Variants in CSF3R observed in about 807,000 individuals in gnomAD.
The protein encoded by CSF3R is granulocyte colony-stimulating factor receptor.
A neutral mutation model predicts 84.4 loss-of-function variants in CSF3R; 52 were observed. The observed-to-expected ratio is 0.62, with a 90% CI of 0.49 to 0.78. The LOEUF is 0.78. Among genes scored for constraint, CSF3R ranks in the 30% least tolerant of loss-of-function variants. The pLI is 0.00. For synonymous variants in CSF3R, 384 were observed against 429.1 expected, an observed-to-expected ratio of 0.89 and a Z score of 1.30; for missense variants, 890 against 1,055.7, an observed-to-expected ratio of 0.84 and a Z score of 2.17.
At chr1:36,468,418 C>A (rs1391418626) in intron 12 of CSF3R, 197 bp from the exon 13 acceptor site, 1 of 534,450 alleles carries the variant, frequency 1.9e-6, no homozygotes. Flanking sequence ...AGGATTTGAA[C>A]CTGGCTCTGC....
intron 12 of CSF3R, chr1:36,468,732 A>G (rs3917992): frequency 1.7e-4 from 39 of 224,832 alleles, no homozygotes; most frequent in South Asian, 2.3e-4. Flanking sequence ...TTGTTTATTT[A>G]TTTATTTATT....
intron 2 of CSF3R, chr1:36,479,898 G>A (rs1361876923): frequency 2.9e-6 from 1 of 344,048 alleles, no homozygotes. Context: ...TTTATTTTGA[G>A]AAGATCCTAG....
rs980640920 is a variant in CSF3R at position 36,472,720 on chromosome 1, A to G, written c.674-34T>C. 6.5e-6 allele frequency: 10 copies of G among 1,541,406 alleles called. No individual in the cohort carries two copies. The highest frequency in any genetic ancestry group is 7.9e-6 in the Non-Finnish European group (9 of 1,141,008). On this transcript the variant is annotated intron_variant, in intron 6 of 16. Transcript: ENST00000373106. The surrounding 1 kb of genome is among the most constrained non-coding windows in gnomAD (Gnocchi z 5.0). ...AGTGGGGCTGTCAGAAGGTCTCCCTATCCCACCCTAGAGGGCTCTGCCTTA... is the reference window on the plus strand; with the variant it reads ...AGTGGGGCTGTCAGAAGGTCTCCCTGTCCCACCCTAGAGGGCTCTGCCTTA...
intron 2 of CSF3R, 153 bp from the exon 3 acceptor site, chr1:36,479,669 G>A (rs1425455396): frequency 5.8e-6 from 4 of 694,946 alleles, no homozygotes; most frequent in Non-Finnish European, 7.9e-6. Flanking sequence ...TATACTGCAT[G>A]GGACTTTGAG....
At position 36,471,596 on chromosome 1, in the gene CSF3R, A is replaced by G; in HGVS notation, c.1122T>C (p.Ser374=). 6.2e-7 allele frequency: 1 copy of G among 1,614,250 alleles called. No individual in the cohort carries two copies. Among genetic ancestry groups the G allele is most frequent in the Non-Finnish European group, 8.5e-7 (1 of 1,180,046 alleles). The part of the protein sequence containing the change: ...DSGRIQGYVV[S]WRPSGQAGAI... ...CCCCAGCCTGGCCTGAGGGTCTCCA[A>G]GAAACCACATAACCTTGGATCCGTC... The change falls in exon 10 of 17, where the codon TCT becomes TCC. Residue 374 remains serine, a synonymous_variant. Transcript: ENST00000373106.
intron 10 of CSF3R, 55 bp downstream of exon 10, chr1:36,471,378 C>G: frequency 6.5e-7 from 1 of 1,542,968 alleles, no homozygotes; most frequent in Non-Finnish European, 9.0e-7. Context: ...GGCAGTCTAG[C>G]CTTTGAATTG....
In CSF3R at chr1:36,468,183, C is replaced by A; in HGVS notation, c.1615G>T (p.Gly539Cys). 6.2e-7 allele frequency: 1 copy of A among 1,609,852 alleles called. No homozygotes were observed. Among genetic ancestry groups the A allele is most frequent in the Non-Finnish European group, 8.5e-7 (1 of 1,177,764 alleles). ...CACTCCAGCTGTGCCCAGGTCTTGC[C>A]AATGTGCTTTAGATGCAGCTCTGGG... ...HAPELHLKHI[G>C]KTWAQLEWVP... The change falls in exon 13 of 17, where the codon GGC becomes TGC. Residue 539 changes from glycine (G) to cysteine (C), a missense_variant. Gly to Cys is a radical substitution (Grantham distance 159). Transcript: ENST00000373106.
chr1:36,482,899 C>T lies in CSF3R; in HGVS notation c.-169G>A, dbSNP rs1223763112. The T allele has an allele frequency of 6.6e-6, 1 of 152,340 alleles. No individual in the cohort carries two copies. Among genetic ancestry groups the T allele is most frequent in the Non-Finnish European group, 1.5e-5 (1 of 68,138 alleles). The allele number at this position is 152,340 out of a possible 1,614,324, so 9.4% of individuals were successfully genotyped here. ...CCTGAAACCAGCTGCAGTCCAGCTT[C>T]TCTCCCCGAGCTCTGTCGTTAATGG... On this transcript the variant is annotated 5_prime_UTR_variant, in exon 1 of 17. Coordinates refer to ENST00000373106, the MANE Select transcript of CSF3R (RefSeq NM_000760.4).
At position 36,467,160 on chromosome 1, in the gene CSF3R, A is replaced by G; in HGVS notation, c.2040+70T>C. 6.5e-7 allele frequency: 1 copy of G among 1,533,368 alleles called. No homozygotes were observed. Among genetic ancestry groups the G allele is most frequent in the East Asian group, 2.2e-5 (1 of 44,484 alleles). The allele number at this position is 1,533,368 out of a possible 1,614,324, so 95.0% of individuals were successfully genotyped here. A position where few individuals can be genotyped will look rare whatever the true frequency, so the allele number is the denominator to read the frequency against. ...CAGGAAGGCCTGAGTACTTGGCTTCAGAAGGTGTCCCTTCACTGAGCCTGG... is the reference window on the plus strand; with the variant it reads ...CAGGAAGGCCTGAGTACTTGGCTTCGGAAGGTGTCCCTTCACTGAGCCTGG... On this transcript the variant is annotated intron_variant, in intron 16 of 16. Coordinates refer to ENST00000373106, the MANE Select transcript of CSF3R (RefSeq NM_000760.4). The surrounding 1 kb of genome is among the most constrained non-coding windows in gnomAD (Gnocchi z 4.1).
Position 36,468,223 on chromosome 1 carries a change from T to C in CSF3R, c.1577-2A>G, listed in dbSNP as rs750327330. ...GCAGCTCTGGGGCATGGGAGGGAGC[T>C]ATGGGAAGAGAGAGGTGCGGGGGCT... On this transcript the variant is annotated splice_acceptor_variant, in intron 12 of 16. Transcript: ENST00000373106. LOFTEE classifies it high-confidence loss of function. 1.9e-6 allele frequency: 3 copies of C among 1,577,124 alleles called. No homozygotes were observed. Among genetic ancestry groups the C allele is most frequent in the Non-Finnish European group, 2.6e-6 (3 of 1,161,210 alleles).
At chr1:36,469,565 G>C in intron 11 of CSF3R, 87 bp downstream of exon 11, 1 of 1,459,966 alleles carries the variant, frequency 6.8e-7, no homozygotes, top group Non-Finnish European at 9.6e-7. Context: ...TGTCTCTTGG[G>C]CAGTTCAGGT....
chr1:36,467,674 A>G lies in CSF3R; in HGVS notation c.1865-23T>C. 1 of 1,613,792 alleles carries G rather than the reference A, an allele frequency of 6.2e-7. No homozygotes were observed. The highest frequency in any genetic ancestry group is 8.5e-7 in the Non-Finnish European group (1 of 1,179,662). On this transcript the variant is annotated intron_variant, in intron 14 of 16. Transcript: ENST00000373106. This position sits in a 1 kb window ranked among gnomAD's most constrained non-coding sequence, Gnocchi z 4.1. ...CCTCTGCAGTGAGGGCAGGGCCGGAAGAAGTTAGAATGCATGTTGGGAAGG... is the reference window on the plus strand; with the variant it reads ...CCTCTGCAGTGAGGGCAGGGCCGGAGGAAGTTAGAATGCATGTTGGGAAGG...
At chr1:36,468,978 C>G in intron 12 of CSF3R, 178 bp downstream of exon 12, 1 of 615,908 alleles carries the variant, frequency 1.6e-6, no homozygotes, top group Non-Finnish European at 2.9e-6. Context: ...ATCCCAGCAC[C>G]TGATTTCTGT....
chr1:36,471,996 C>G (rs1374754550), intron 9 of CSF3R, 70 bp downstream of exon 9: 6 of 1,509,524 alleles, frequency 4.0e-6, no homozygotes, highest in Non-Finnish European at 5.5e-6. Context: ...GTCCTAAGCC[C>G]CGGTTTGTAG....
Position 36,466,161 on chromosome 1 carries a change from T to A in CSF3R, c.*196A>T, listed in dbSNP as rs766114888. The A allele has an allele frequency of 8.7e-6, 14 of 1,614,196 alleles. No homozygotes were observed. The highest frequency in any genetic ancestry group is 1.2e-5 in the Non-Finnish European group (14 of 1,180,038). ...TTGGGTGGGGCTGGATGGAGCATGA[T>A]CTGGTCCTTAAAGTATGCAGATCGC... On this transcript the variant is annotated 3_prime_UTR_variant, in exon 17 of 17. Transcript: ENST00000373106. This position sits in a 1 kb window ranked among gnomAD's most constrained non-coding sequence, Gnocchi z 4.6.
At position 36,473,341 on chromosome 1, in the gene CSF3R, GTCT is replaced by G. The variant is rs748225741; in HGVS notation, c.673+91_673+93del. On this transcript the variant is annotated intron_variant, in intron 6 of 16. Transcript: ENST00000373106. ...TGCCTCTGTCTCTAGGTCTTCCAGT[GTCT>G]TCTTGTCTGTCGCTAGTTCTGTGTT... 946 of 1,419,208 alleles carry G rather than the reference GTCT, an allele frequency of 6.7e-4. 1 individual carries two copies. The highest frequency in any genetic ancestry group is 8.8e-4 in the Non-Finnish European group (900 of 1,019,166). The allele number at this position is 1,419,208 out of a possible 1,614,324, so 87.9% of individuals were successfully genotyped here.
At chr1:36,478,470 A>G (rs1651308978) in intron 3 of CSF3R, among the ~76,000 whole-genome samples, 2 of 152,142 alleles carry the variant, frequency 1.3e-5, no homozygotes. Flanking sequence ...CGGAGGTTGC[A>G]GTGAGCTGAG....
In CSF3R at chr1:36,476,346, A is replaced by G. The variant is rs1409873811; in HGVS notation, c.65-673T>C. The G allele has an allele frequency of 2.0e-5, 3 of 152,320 alleles. No homozygotes were observed. The East Asian group carries it at 5.8e-4, about 29-fold the overall frequency. 9.4% of individuals were successfully genotyped at this position (152,320 alleles called of 1,614,324 possible). A position where few individuals can be genotyped will look rare whatever the true frequency, so the allele number is the denominator to read the frequency against. ...CTGTGCCTCAGTTTTCTCATCTGTA[A>G]AATGGGGATAAAAATCGTCCCTACC... is the stretch of plus-strand genomic sequence containing the variant. On this transcript the variant is annotated intron_variant, in intron 3 of 16. Coordinates refer to ENST00000373106, the MANE Select transcript of CSF3R (RefSeq NM_000760.4).
In CSF3R at chr1:36,467,003, T is replaced by C. The variant is rs1418893427; in HGVS notation, c.2041-176A>G. ...CCTCACACATGCCTGACACATGCCA[T>C]GCACCGTTCAGACTCAGCATGGTCA... On this transcript the variant is annotated intron_variant, in intron 16 of 16. Transcript: ENST00000373106. The surrounding 1 kb of genome is among the most constrained non-coding windows in gnomAD (Gnocchi z 4.1). The C allele has an allele frequency of 1.3e-6, 2 of 1,490,806 alleles. No homozygotes were observed. Among genetic ancestry groups the C allele is most frequent in the Non-Finnish European group, 1.8e-6 (2 of 1,087,502 alleles). The allele number at this position is 1,490,806 out of a possible 1,614,324, so 92.3% of individuals were successfully genotyped here. A position where few individuals can be genotyped will look rare whatever the true frequency, so the allele number is the denominator to read the frequency against.
Sources: gnomAD v4.1 joint callset for allele counts (sites outside exome capture counted in the v4.1 genomes callset) on GRCh38, gnomAD v4.1.1 for gene constraint, Gnocchi (gnomAD v3.1) non-coding constraint, MANE v1.5 for transcripts, NCBI Gene and HGNC (gene_info 2026-07-23, HGNC 2026-07-21) for gene names.